Variants in MAPKAP1 observed in about 807,000 individuals in gnomAD.
The protein encoded by MAPKAP1 is MAPK associated protein 1, also known as target of rapamycin complex 2 subunit MAPKAP1.
MAPKAP1 carries 20 observed loss-of-function variants against 65.7 expected under a neutral mutation model. The observed-to-expected ratio is 0.30, with a 90% CI of 0.21 to 0.44. MAPKAP1 has a LOEUF of 0.44. Among genes scored for constraint, MAPKAP1 ranks in the 20% least tolerant of loss-of-function variants. The pLI, the probability that MAPKAP1 is intolerant of heterozygous loss-of-function variation, is 1.00. For missense variants in MAPKAP1, 423 were observed against 648.0 expected, an observed-to-expected ratio of 0.65 and a Z score of 3.77; for synonymous variants, 222 against 244.3, an observed-to-expected ratio of 0.91 and a Z score of 0.85.
chr9:125,445,228 G>A lies in MAPKAP1; in HGVS notation c.1346-630C>T, dbSNP rs572801006. Among the ~76,000 whole-genome samples, 16 of 152,290 alleles carry A rather than the reference G, an allele frequency of 1.1e-4. 1 individual carries two copies. The highest frequency in any genetic ancestry group is 3.4e-4 in the African/African-American group (14 of 41,550). ...GCTTCTGAATATAAATCTGATCTAG[G>A]TCTCCATTCTCCATGCCCCGTCCTA... On this transcript the variant is annotated intron_variant, in intron 10 of 11. Coordinates refer to ENST00000265960, the MANE Select transcript of MAPKAP1 (RefSeq NM_001006617.3).
At chr9:125,684,615 G>A (rs1252330886) in intron 1 of MAPKAP1, among the ~76,000 whole-genome samples, 1 of 152,158 alleles carries the variant, frequency 6.6e-6, no homozygotes, top group Non-Finnish European at 1.5e-5. Flanking sequence ...TGAAGTTTTA[G>A]TCTACCCTAA....
intron 9 of MAPKAP1, among the ~76,000 whole-genome samples, chr9:125,477,345 G>A (rs940595499): frequency 1.3e-5 from 2 of 152,158 alleles, no homozygotes; most frequent in South Asian, 2.1e-4. Flanking sequence ...ACTTCTCAGC[G>A]TGAGACTGCA....
chr9:125,517,158 G>T (rs1371890343), intron 7 of MAPKAP1, among the ~76,000 whole-genome samples: 1 of 152,124 alleles, frequency 6.6e-6, no homozygotes, highest in East Asian at 1.9e-4. Flanking sequence ...ACTCTGCTCT[G>T]CTGTATCCCA....
intron 1 of MAPKAP1, among the ~76,000 whole-genome samples, chr9:125,698,719 G>A (rs937784003): frequency 6.6e-6 from 1 of 151,962 alleles, no homozygotes; most frequent in Admixed American, 6.6e-5. Context: ...TGGGGACGGG[G>A]ATAACATAAT....
At chr9:125,693,932 G>A (rs1442846289) in intron 1 of MAPKAP1, among the ~76,000 whole-genome samples, 1 of 151,868 alleles carries the variant, frequency 6.6e-6, no homozygotes, top group Admixed American at 6.6e-5. Flanking sequence ...ACTTTGGGAG[G>A]CAGAGGAGGA....
intron 4 of MAPKAP1, among the ~76,000 whole-genome samples, chr9:125,653,297 A>G (rs1013451433): frequency 6.6e-6 from 1 of 152,244 alleles, no homozygotes; most frequent in Non-Finnish European, 1.5e-5. Context: ...AGCCTTCATA[A>G]GAAAACGAAG....
chr9:125,554,951 CAT>C (rs1302841706), intron 6 of MAPKAP1, among the ~76,000 whole-genome samples: 3 of 152,088 alleles, frequency 2.0e-5, no homozygotes, highest in South Asian at 2.1e-4. Context: ...CGTGATGTCT[CAT>C]ATGAAAATCA....
intron 1 of MAPKAP1, among the ~76,000 whole-genome samples, chr9:125,681,423 G>A (rs1487280271): frequency 6.6e-6 from 1 of 152,234 alleles, no homozygotes; most frequent in East Asian, 1.9e-4. Flanking sequence ...GGCCCCATGA[G>A]TGATTAAGTC....
At chr9:125,645,980 A>G (rs1364707402) in intron 4 of MAPKAP1, among the ~76,000 whole-genome samples, 1 of 152,192 alleles carries the variant, frequency 6.6e-6, no homozygotes, top group Non-Finnish European at 1.5e-5. Flanking sequence ...TAATTGTGAT[A>G]AAACAAAGCT....
intron 1 of MAPKAP1, among the ~76,000 whole-genome samples, chr9:125,679,109 C>A (rs1374474559): frequency 6.6e-6 from 1 of 151,744 alleles, no homozygotes; most frequent in East Asian, 1.9e-4. Context: ...TCAAGCAATT[C>A]TCCTGCCTCA....
At chr9:125,537,413 T>A (rs1351844822) in intron 7 of MAPKAP1, among the ~76,000 whole-genome samples, 2 of 152,164 alleles carry the variant, frequency 1.3e-5, no homozygotes, top group African/African-American at 2.4e-5. Flanking sequence ...ATTCATTAGC[T>A]CCCATGTCGT....
chr9:125,689,407 C>A (rs370594292), intron 1 of MAPKAP1, among the ~76,000 whole-genome samples: 1 of 129,632 alleles, frequency 7.7e-6, no homozygotes, highest in East Asian at 2.3e-4. Flanking sequence ...TGCACTCCAG[C>A]CTGGGCGACA....
At chr9:125,570,177 C>T (rs1274258099) in intron 5 of MAPKAP1, among the ~76,000 whole-genome samples, 1 of 151,410 alleles carries the variant, frequency 6.6e-6, no homozygotes, top group Non-Finnish European at 1.5e-5. Flanking sequence ...AAGAAAGGAT[C>T]TTGTATGGTA....
At chr9:125,559,558 CA>C in intron 6 of MAPKAP1, 74 bp downstream of exon 6, 6 of 1,450,730 alleles carry the variant, frequency 4.1e-6, no homozygotes, top group Non-Finnish European at 5.6e-6. Flanking sequence ...ATTTGATGAA[CA>C]AAACCAAAAT....
intron 4 of MAPKAP1, chr9:125,596,323 G>C: frequency 1.3e-6 from 1 of 762,024 alleles, no homozygotes; most frequent in Admixed American, 1.7e-5. Flanking sequence ...GGTCATGGAG[G>C]AAACTTCAGT....
chr9:125,439,082 G>C lies in MAPKAP1; in HGVS notation c.1444-70C>G. 6.3e-7 allele frequency: 1 copy of C among 1,581,908 alleles called. No individual in the cohort carries two copies. Among genetic ancestry groups the C allele is most frequent in the Non-Finnish European group, 8.6e-7 (1 of 1,162,134 alleles). The stretch of plus-strand genomic sequence containing the variant: ...CTACCCACCCAGGGCATCGGAGGGG[G>C]TGGCAGGGAAGGCCCTGACCTGGGC... On this transcript the variant is annotated intron_variant, in intron 11 of 11. Coordinates refer to ENST00000265960, the MANE Select transcript of MAPKAP1 (RefSeq NM_001006617.3). This position sits in a 1 kb window ranked among gnomAD's most constrained non-coding sequence, Gnocchi z 4.0.
chr9:125,527,107 C>A (rs1316954272), intron 7 of MAPKAP1, among the ~76,000 whole-genome samples: 3 of 151,964 alleles, frequency 2.0e-5, no homozygotes, highest in Non-Finnish European at 4.4e-5. Flanking sequence ...CTCTGTCACC[C>A]AGGCTGGAGT....
chr9:125,636,248 G>T (rs924244202), intron 4 of MAPKAP1, among the ~76,000 whole-genome samples: 1 of 152,122 alleles, frequency 6.6e-6, no homozygotes. Flanking sequence ...CTAATAGCAG[G>T]TGTCATTGCC....
chr9:125,570,802 G>T (rs1269861168), intron 5 of MAPKAP1, among the ~76,000 whole-genome samples: 2 of 152,066 alleles, frequency 1.3e-5, no homozygotes. Flanking sequence ...GTAACTTTAA[G>T]AGATTCAGTG....
Sources: allele counts gnomAD v4.1 joint callset (sites outside exome capture counted in the v4.1 genomes callset), GRCh38; gene constraint gnomAD v4.1.1; non-coding constraint Gnocchi (gnomAD v3.1); transcripts MANE v1.5; gene names NCBI Gene and HGNC (gene_info 2026-07-23, HGNC 2026-07-21).